Variants in GPM6B observed in about 807,000 individuals in gnomAD.
GPM6B encodes the protein glycoprotein M6B, also known as neuronal membrane glycoprotein M6-b.
A neutral mutation model predicts 27.2 loss-of-function variants in GPM6B; 4 were observed. The observed-to-expected ratio is 0.15, with a 90% CI of 0.07 to 0.34. The LOEUF (loss-of-function observed/expected upper bound fraction) is 0.34. Ranked by LOEUF, GPM6B falls within the 10% of genes least tolerant of loss-of-function variation. The probability of loss-of-function intolerance (pLI) is 1.00; values close to 1 mark genes in which losing one functional copy is unlikely to be tolerated. For missense variants in GPM6B, 183 were observed against 261.9 expected, an observed-to-expected ratio of 0.70 and a Z score of 2.08; for synonymous variants, 124 against 103.1, an observed-to-expected ratio of 1.20 and a Z score of -1.23.
intron 1 of GPM6B, 81 bp from the exon 2 acceptor site, chrX:13,807,850 C>A: frequency 1.1e-6 from 1 of 937,924 alleles, no homozygotes; most frequent in Non-Finnish European, 1.4e-6. Flanking sequence ...TATTCTTTAC[C>A]ATAGAAAGGA....
rs1008441098 is a variant in GPM6B at position 13,781,609 on chromosome X, T to C, written c.526-1620A>G. Among the ~76,000 whole-genome samples the C allele has an allele frequency of 2.7e-5, 3 of 111,494 alleles. No individual in the cohort carries two copies. In the East Asian group the frequency reaches 8.5e-4, roughly 31 times the overall value. On this transcript the variant is annotated intron_variant, in intron 4 of 7. Coordinates refer to ENST00000316715, the MANE Select transcript of GPM6B (RefSeq NM_001001995.3). ...CCTCCTCTCCCATGTGAATTGTATATTCAATGAAAGGCTAATCAGAGACCC... is the reference window on the plus strand; with the variant it reads ...CCTCCTCTCCCATGTGAATTGTATACTCAATGAAAGGCTAATCAGAGACCC...
intron 1 of GPM6B, among the ~76,000 whole-genome samples, chrX:13,924,365 T>G (rs150115758): frequency 0.022 from 2,460 of 111,520 alleles, 73 homozygotes; most frequent in African/African-American, 0.078. Flanking sequence ...AGTGGCGCAA[T>G]CATGGCTCAC....
Position 13,772,971 on chromosome X carries a change from C to T in GPM6B, c.897G>A (p.Met299Ile). The change falls in exon 8 of 8, where the codon ATG becomes ATA. Residue 299 changes from methionine to isoleucine, a missense_variant. Transcript: ENST00000316715. ...NWAYLKDASK[M>I]QAYQDIKAKE... ...TTGCTTTGATATCCTGGTAAGCCTG[C>T]ATTTTGCTCGCATCCTTTAAGTAAG... is the stretch of plus-strand genomic sequence containing the variant. 8.3e-7 allele frequency: 1 copy of T among 1,208,978 alleles called. No homozygotes were observed. Among genetic ancestry groups the T allele is most frequent in the Non-Finnish European group, 1.1e-6 (1 of 893,102 alleles).
chrX:13,788,383 AAG>A (rs2048652278), intron 2 of GPM6B, among the ~76,000 whole-genome samples: 1 of 109,513 alleles, frequency 9.1e-6, no homozygotes, highest in Admixed American at 1.0e-4. Flanking sequence ...AGCCAGTGGA[AAG>A]AGAGTGGAGA....
At chrX:13,793,686 A>G (rs776955784) in intron 2 of GPM6B, among the ~76,000 whole-genome samples, 74 of 112,376 alleles carry the variant, frequency 6.6e-4, no homozygotes, top group Non-Finnish European at 2.8e-4. Context: ...ACATTGGAAT[A>G]ATCTGGGGAG....
At chrX:13,786,427 T>G (rs2048614345) in intron 2 of GPM6B, among the ~76,000 whole-genome samples, 1 of 111,796 alleles carries the variant, frequency 8.9e-6, no homozygotes, top group African/African-American at 3.3e-5. Flanking sequence ...CATAATTCAG[T>G]GAAGAACAAA....
chrX:13,875,718 T>C (rs2050026376), intron 1 of GPM6B, among the ~76,000 whole-genome samples: 1 of 112,253 alleles, frequency 8.9e-6, no homozygotes, highest in Non-Finnish European at 1.9e-5. Context: ...TGGCACATGC[T>C]ACGACATGGA....
intron 2 of GPM6B, among the ~76,000 whole-genome samples, chrX:13,807,334 T>C (rs1290305328): frequency 1.8e-5 from 2 of 111,605 alleles, no homozygotes; most frequent in East Asian, 2.8e-4. Context: ...GGTTCAGGCA[T>C]TGGAAATTTC....
intron 1 of GPM6B, among the ~76,000 whole-genome samples, chrX:13,865,527 A>G (rs1270018827): frequency 1.2e-5 from 1 of 85,680 alleles, no homozygotes; most frequent in Non-Finnish European, 2.3e-5. Context: ...ACCACACGGT[A>G]AAAATCCATC....
intron 1 of GPM6B, among the ~76,000 whole-genome samples, chrX:13,911,865 A>G (rs1216050777): frequency 8.9e-6 from 1 of 112,314 alleles, no homozygotes. Context: ...ATATTTCCCA[A>G]AGAAAAACTG....
chrX:13,806,516 A>G (rs2049023846), intron 2 of GPM6B, among the ~76,000 whole-genome samples: 2 of 112,010 alleles, frequency 1.8e-5, no homozygotes, highest in Admixed American at 1.9e-4. Context: ...ACAGGCACAC[A>G]CAGAACCAAC....
intron 1 of GPM6B, among the ~76,000 whole-genome samples, chrX:13,875,440 T>A (rs1053863270): frequency 9.0e-6 from 1 of 111,596 alleles, no homozygotes; most frequent in Non-Finnish European, 1.9e-5. Context: ...AGAGGAGGAC[T>A]GGCATGAGCA....
chrX:13,866,040 T>C (rs930719129), intron 1 of GPM6B, among the ~76,000 whole-genome samples: 5 of 110,824 alleles, frequency 4.5e-5, no homozygotes, highest in African/African-American at 1.6e-4. Flanking sequence ...CTAGGGGCTA[T>C]GGAGGGTTAT....
chrX:13,935,781 G>A (rs1159822652), intron 1 of GPM6B, among the ~76,000 whole-genome samples: 1 of 112,270 alleles, frequency 8.9e-6, no homozygotes, highest in Non-Finnish European at 1.9e-5. Context: ...CTGTGTGTGT[G>A]CACTCTCACT....
chrX:13,931,295 A>AGGAGATTGAGACCATCCT (rs1569314292), intron 1 of GPM6B, among the ~76,000 whole-genome samples: 1 of 110,924 alleles, frequency 9.0e-6, no homozygotes, highest in African/African-American at 3.3e-5. Flanking sequence ...TCACAAGGTC[A>AGGAGATTGAGACCATCCT]GGCTATCATG....
chrX:13,934,958 C>T (rs1603154199), intron 1 of GPM6B, among the ~76,000 whole-genome samples: 1 of 111,128 alleles, frequency 9.0e-6, no homozygotes, highest in South Asian at 3.9e-4. Context: ...GTTACAAATG[C>T]AGAAACTCAG....
At chrX:13,876,643 AT>A (rs1223147308) in intron 1 of GPM6B, among the ~76,000 whole-genome samples, 1 of 111,573 alleles carries the variant, frequency 9.0e-6, no homozygotes, top group Non-Finnish European at 1.9e-5. Context: ...ACAATCTTCC[AT>A]TTGTGAAGAT....
At chrX:13,824,779 G>C (rs1301285093) in intron 1 of GPM6B, among the ~76,000 whole-genome samples, 2 of 111,932 alleles carry the variant, frequency 1.8e-5, no homozygotes, top group Non-Finnish European at 3.8e-5. Flanking sequence ...GGAGAGATCG[G>C]GTGATGTATT....
At chrX:13,890,797 G>A (rs1217099851) in intron 1 of GPM6B, among the ~76,000 whole-genome samples, 2 of 111,630 alleles carry the variant, frequency 1.8e-5, no homozygotes, top group Non-Finnish European at 3.8e-5. Context: ...TTAGAAGGAT[G>A]CTCTTTCTTC....
Sources: allele counts gnomAD v4.1 joint callset (sites outside exome capture counted in the v4.1 genomes callset), GRCh38; gene constraint gnomAD v4.1.1; transcripts MANE v1.5; gene names NCBI Gene and HGNC (gene_info 2026-07-23, HGNC 2026-07-21).